The following EPSTI1 variants were observed in gnomAD, a reference collection of about 807,000 sequenced individuals.
EPSTI1 encodes epithelial stromal interaction 1.
Under a neutral mutation model 49.9 loss-of-function variants are expected in EPSTI1, and 66 were observed. The observed-to-expected ratio is 1.32, with a 90% CI of 1.08 to 1.62. EPSTI1 has a LOEUF of 1.62. EPSTI1 is among the 40% of genes most tolerant of loss of function. The pLI, the probability that EPSTI1 is intolerant of heterozygous loss-of-function variation, is 0.00. For synonymous variants in EPSTI1, 137 were observed against 130.7 expected, an observed-to-expected ratio of 1.05 and a Z score of -0.33; for missense variants, 394 against 365.5, an observed-to-expected ratio of 1.08 and a Z score of -0.64.
intron 1 of EPSTI1, among the ~76,000 whole-genome samples, chr13:42,979,514 G>T (rs1430683729): frequency 3.3e-5 from 5 of 150,662 alleles, no homozygotes; most frequent in African/African-American, 1.2e-4. Flanking sequence ...CCCGGAAGGC[G>T]GCGGAGCTTG....
At chr13:42,948,123 G>A (rs577149659) in intron 6 of EPSTI1, among the ~76,000 whole-genome samples, 1 of 152,374 alleles carries the variant, frequency 6.6e-6, no homozygotes, top group African/African-American at 2.4e-5. Context: ...CACCCAAAGC[G>A]GCTGCATCCT....
At chr13:42,939,064 C>T (rs1168473784) in intron 6 of EPSTI1, among the ~76,000 whole-genome samples, 1 of 152,104 alleles carries the variant, frequency 6.6e-6, no homozygotes, top group African/African-American at 2.4e-5. Context: ...TCCCTTAAAC[C>T]TCATGAACCA....
At chr13:42,974,045 G>C (rs1023800028) in intron 1 of EPSTI1, among the ~76,000 whole-genome samples, 2 of 152,208 alleles carry the variant, frequency 1.3e-5, no homozygotes, top group Non-Finnish European at 2.9e-5. Flanking sequence ...AGATATTCAA[G>C]AAATGTTTGG....
At chr13:42,990,631 G>A (rs773819976) in intron 1 of EPSTI1, among the ~76,000 whole-genome samples, 42 of 152,072 alleles carry the variant, frequency 2.8e-4, no homozygotes, top group Non-Finnish European at 5.1e-4. Flanking sequence ...ATTCTGAGGA[G>A]GAAAGAAATG....
intron 5 of EPSTI1, among the ~76,000 whole-genome samples, chr13:42,960,734 T>C (rs1317649845): frequency 2.6e-5 from 4 of 152,182 alleles, no homozygotes; most frequent in Non-Finnish European, 5.9e-5. Context: ...CCTGGTCTTT[T>C]CCAGCTTCTA....
At chr13:42,891,557 T>C (rs879735802) in intron 10 of EPSTI1, among the ~76,000 whole-genome samples, 1 of 152,232 alleles carries the variant, frequency 6.6e-6, no homozygotes, top group Non-Finnish European at 1.5e-5. Flanking sequence ...GTCTGCTTGG[T>C]TGTCTTTCAT....
rs770290621 is a variant in EPSTI1 at position 42,963,259 on chromosome 13, T to G, written c.485A>C (p.Glu162Ala). The change falls in exon 5 of 11, where the codon GAG (glutamate) becomes GCG (alanine). Residue 162 changes from glutamate to alanine, a missense_variant. By Grantham distance (107) the Glu-to-Ala change is moderately radical. Transcript: ENST00000313624. ...ELQKMKAIQR[E>A]KSNKLEEKKR... ...ACTAATCCTCCTCCTCCTTACCTTC[T>G]CTCTCTGAATTGCCTTCATTTTTTG... The G allele has an allele frequency of 5.0e-6, 8 of 1,612,682 alleles. No homozygotes were observed. The highest frequency in any genetic ancestry group is 6.8e-6 in the Non-Finnish European group (8 of 1,178,964).
intron 2 of EPSTI1, chr13:42,969,870 T>C (rs1259694136): frequency 1.3e-5 from 2 of 152,416 alleles, no homozygotes; most frequent in South Asian, 2.1e-4. Flanking sequence ...CTGAAACATT[T>C]CGAAATCCAG....
rs2036889277 is a variant in EPSTI1 at position 42,887,192 on chromosome 13, C to CACAG, written c.*1298_*1301dup. On this transcript the variant is annotated 3_prime_UTR_variant, in exon 11 of 11. Coordinates refer to ENST00000313624, the MANE Select transcript of EPSTI1 (RefSeq NM_033255.5). Reference sequence around the variant, plus strand: ...TTTATATTAGTGTCAACAGCACTAACACAGCTTCAGCTGGCGGAGGAGAGG... The same window carrying CACAG: ...TTTATATTAGTGTCAACAGCACTAACACAGACAGCTTCAGCTGGCGGAGGAGAGG... The CACAG allele has an allele frequency of 6.6e-6, 1 of 152,208 alleles. No homozygotes were observed. The highest frequency in any genetic ancestry group is 2.1e-4 in the South Asian group (1 of 4,832). The allele number at this position is 152,208 out of a possible 1,614,324, so 9.4% of individuals were successfully genotyped here.
chr13:42,891,000 C>T (rs1052700548), intron 10 of EPSTI1, among the ~76,000 whole-genome samples: 1 of 152,058 alleles, frequency 6.6e-6, no homozygotes, highest in African/African-American at 2.4e-5. Context: ...TTGAGATGAT[C>T]GTATGGAGTT....
chr13:42,912,341 G>C (rs1273912502), intron 8 of EPSTI1, among the ~76,000 whole-genome samples: 2 of 152,146 alleles, frequency 1.3e-5, no homozygotes, highest in Non-Finnish European at 2.9e-5. Flanking sequence ...TCCCACACTT[G>C]CACTACATAG....
In EPSTI1 at chr13:42,967,751, G is replaced by A. The variant is rs76979925; in HGVS notation, c.331+1343C>T. ...CGAAGATTCCCAGGAAGAAGAACGA[G>A]CAGTCAGTGTAAACCTAGGCTCAAA... is the stretch of plus-strand genomic sequence containing the variant. On this transcript the variant is annotated intron_variant, in intron 3 of 10. Coordinates refer to ENST00000313624, the MANE Select transcript of EPSTI1 (RefSeq NM_033255.5). Among the ~76,000 whole-genome samples the A allele has an allele frequency of 5.3e-5, 8 of 152,306 alleles. No individual in the cohort carries two copies. The East Asian group carries it at 1.4e-3, about 26-fold the overall frequency.
chr13:42,935,720 T>G (rs2038539295), intron 6 of EPSTI1, among the ~76,000 whole-genome samples: 1 of 152,126 alleles, frequency 6.6e-6, no homozygotes, highest in Non-Finnish European at 1.5e-5. Context: ...GCCTCCTGAG[T>G]AGCTGGGATT....
chr13:42,905,370 T>G (rs1338345393), intron 8 of EPSTI1, among the ~76,000 whole-genome samples: 1 of 152,150 alleles, frequency 6.6e-6, no homozygotes, highest in Non-Finnish European at 1.5e-5. Flanking sequence ...GCATATTTAC[T>G]AAGGAGAGGC....
At chr13:42,889,232 A>G (rs374404304) in intron 10 of EPSTI1, 2 of 1,564,840 alleles carry the variant, frequency 1.3e-6, no homozygotes, top group African/African-American at 1.4e-5. Flanking sequence ...CGAAAAAACT[A>G]ATAGAGAACC....
chr13:42,889,252 T>TA (rs776521078), intron 10 of EPSTI1: 35 of 1,505,904 alleles, frequency 2.3e-5, no homozygotes, highest in Admixed American at 1.4e-4. Flanking sequence ...CCTAGAAAAA[T>TA]AAAAAAATAT....
At position 42,954,040 on chromosome 13, in the gene EPSTI1, A is replaced by G. The variant is rs752455899; in HGVS notation, c.490-19T>C. Reference sequence around the variant, plus strand: ...TATTGCTCTGAAATTGCAAATATCAAAACATAACTTATTAAAGATGCTTTA... The same window carrying G: ...TATTGCTCTGAAATTGCAAATATCAGAACATAACTTATTAAAGATGCTTTA... On this transcript the variant is annotated intron_variant, in intron 5 of 10. Transcript: ENST00000313624. 1 of 1,597,190 alleles carries G rather than the reference A, an allele frequency of 6.3e-7. No individual in the cohort carries two copies. Among genetic ancestry groups the G allele is most frequent in the South Asian group, 1.1e-5 (1 of 89,982 alleles).
intron 8 of EPSTI1, among the ~76,000 whole-genome samples, chr13:42,905,180 A>G (rs1328933651): frequency 2.0e-5 from 3 of 152,162 alleles, no homozygotes; most frequent in Non-Finnish European, 4.4e-5. Flanking sequence ...AAAAGACGGG[A>G]AGAGAGCAAC....
intron 6 of EPSTI1, among the ~76,000 whole-genome samples, chr13:42,932,870 C>T (rs1035760323): frequency 6.6e-6 from 1 of 152,160 alleles, no homozygotes; most frequent in African/African-American, 2.4e-5. Flanking sequence ...AAGGACATGG[C>T]ATCACTTCTG....
Sources: allele counts gnomAD v4.1 joint callset (sites outside exome capture counted in the v4.1 genomes callset), GRCh38; gene constraint gnomAD v4.1.1; transcripts MANE v1.5; gene names NCBI Gene and HGNC (gene_info 2026-07-23, HGNC 2026-07-21).